Variants in MCTP2 observed in about 807,000 individuals in gnomAD.
The protein encoded by MCTP2 is multiple C2 and transmembrane domain containing 2, also known as multiple C2 and transmembrane domain-containing protein 2.
In MCTP2, 132 loss-of-function variants were observed where a neutral mutation model predicts 111.6. The observed-to-expected ratio is 1.18, with a 90% CI of 1.03 to 1.37. The LOEUF is 1.37. MCTP2 is among the 40% of genes most tolerant of loss of function. MCTP2 has a pLI of 0.00. For synonymous variants in MCTP2, 395 were observed against 387.7 expected, an observed-to-expected ratio of 1.02 and a Z score of -0.22; for missense variants, 1,183 against 1,067.9, an observed-to-expected ratio of 1.11 and a Z score of -1.50.
chr15:94,383,810 T>G (rs1467903095), intron 12 of MCTP2, among the ~76,000 whole-genome samples: 2 of 152,182 alleles, frequency 1.3e-5, no homozygotes, highest in African/African-American at 2.4e-5. Flanking sequence ...GGCGGTGTGT[T>G]TGTTCTAACC....
chr15:94,245,813 C>T (rs549528850), intron 1 of MCTP2, among the ~76,000 whole-genome samples: 1 of 151,088 alleles, frequency 6.6e-6, no homozygotes, highest in African/African-American at 2.4e-5. Flanking sequence ...CACATACCTA[C>T]ATTTCTGATT....
intron 19 of MCTP2, among the ~76,000 whole-genome samples, chr15:94,457,869 G>C (rs1038716949): frequency 6.6e-6 from 1 of 152,200 alleles, no homozygotes; most frequent in Admixed American, 6.5e-5. Context: ...CCACGGGGAA[G>C]TGAAGTGCTT....
intron 1 of MCTP2, among the ~76,000 whole-genome samples, chr15:94,235,591 T>G (rs2070483338): frequency 6.6e-6 from 1 of 152,224 alleles, no homozygotes; most frequent in African/African-American, 2.4e-5. Flanking sequence ...TGTATTACTA[T>G]CACTAACATT....
intron 21 of MCTP2, among the ~76,000 whole-genome samples, chr15:94,475,991 G>A (rs536237717): frequency 1.6e-4 from 25 of 152,300 alleles, no homozygotes; most frequent in African/African-American, 4.8e-4. Context: ...CACCGACGTT[G>A]TGATCCATAA....
At chr15:94,285,897 TG>T (rs1423448297) in intron 1 of MCTP2, among the ~76,000 whole-genome samples, 3 of 152,230 alleles carry the variant, frequency 2.0e-5, no homozygotes, top group African/African-American at 7.2e-5. Flanking sequence ...ACATGGATGG[TG>T]GGGCTGAAAA....
intron 12 of MCTP2, among the ~76,000 whole-genome samples, chr15:94,382,532 C>T (rs1167380296): frequency 1.3e-5 from 2 of 152,258 alleles, no homozygotes; most frequent in Non-Finnish European, 2.9e-5. Context: ...TACTATTCAT[C>T]GCCCATGCGT....
intron 19 of MCTP2, among the ~76,000 whole-genome samples, chr15:94,443,595 C>T (rs1331443722): frequency 1.3e-5 from 2 of 152,064 alleles, no homozygotes; most frequent in African/African-American, 2.4e-5. Context: ...GAAGCTTGTG[C>T]AGAGGAAAGG....
At chr15:94,281,453 G>A (rs1227113169) in intron 1 of MCTP2, among the ~76,000 whole-genome samples, 1 of 152,074 alleles carries the variant, frequency 6.6e-6, no homozygotes, top group Non-Finnish European at 1.5e-5. Context: ...TAGATGTTGT[G>A]GCAGTTGAGA....
chr15:94,355,806 G>C, intron 8 of MCTP2: 1 of 527,550 alleles, frequency 1.9e-6, no homozygotes, highest in Non-Finnish European at 2.4e-6. Context: ...TGCCCAGAAT[G>C]TCTTTCTTCC....
chr15:94,464,451 G>A (rs1251846588), intron 20 of MCTP2, among the ~76,000 whole-genome samples: 1 of 104,110 alleles, frequency 9.6e-6, no homozygotes, highest in Admixed American at 1.0e-4. Flanking sequence ...GCTTGATATT[G>A]TTATCTTCTT....
In MCTP2 at chr15:94,236,377, C is replaced by CTTTTTTTTTTTTTTTTTTT. The variant is rs71132992; in HGVS notation, c.-66+4723_-66+4741dup. On this transcript the variant is annotated intron_variant, in intron 1 of 22. Transcript: ENST00000357742. ...TATGATTCAATCCTTTCTTTTTTTT[C>CTTTTTTTTTTTTTTTTTTT]TTTTTTTTTTTTTTTTTTTTTTTTT... Among the ~76,000 whole-genome samples the CTTTTTTTTTTTTTTTTTTT allele has an allele frequency of 1.5e-3, 109 of 72,506 alleles. 11 individuals carry two copies. Among genetic ancestry groups the CTTTTTTTTTTTTTTTTTTT allele is most frequent in the African/African-American group, 3.5e-3 (66 of 19,022 alleles). The allele number at this position is 72,506 out of a possible 152,430, so 47.6% of individuals were successfully genotyped here. A position where few individuals can be genotyped will look rare whatever the true frequency, so the allele number is the denominator to read the frequency against.
At position 94,273,538 on chromosome 15, in the gene MCTP2, T is replaced by C. The variant is rs560639317; in HGVS notation, c.-65-24663T>C. On this transcript the variant is annotated intron_variant, in intron 1 of 22. Coordinates refer to ENST00000357742, the MANE Select transcript of MCTP2 (RefSeq NM_001385001.1). ...GGTGACCTGGGACCACAGCAAAAAC[T>C]GCAAACGTCACTTCAATGCCCCCTC... 6.1e-5 allele frequency: 12 copies of C among 196,950 alleles called. 1 individual carries two copies. Among genetic ancestry groups the C allele is most frequent in the Non-Finnish European group, 1.2e-4 (11 of 90,520 alleles). 12.2% of individuals were successfully genotyped at this position (196,950 alleles called of 1,614,324 possible).
chr15:94,319,619 G>A (rs1475255659), intron 4 of MCTP2, among the ~76,000 whole-genome samples: 3 of 152,098 alleles, frequency 2.0e-5, no homozygotes, highest in Admixed American at 6.5e-5. Flanking sequence ...GGTGGGTGTC[G>A]GCACATGAGA....
intron 1 of MCTP2, among the ~76,000 whole-genome samples, chr15:94,245,388 TTA>T (rs2071813720): frequency 2.0e-5 from 1 of 50,844 alleles, no homozygotes; most frequent in South Asian, 5.9e-4. Context: ...GTATATGTAT[TTA>T]TATACATGTG....
chr15:94,399,177 G>A (rs750874809), intron 15 of MCTP2, 115 bp downstream of exon 15: 1 of 631,752 alleles, frequency 1.6e-6, no homozygotes, highest in Non-Finnish European at 2.9e-6. Context: ...GCTACAGAGA[G>A]GAAAGAATAG....
At chr15:94,366,619 A>G (rs557142314) in intron 10 of MCTP2, among the ~76,000 whole-genome samples, 5 of 152,110 alleles carry the variant, frequency 3.3e-5, no homozygotes, top group Non-Finnish European at 7.4e-5. Context: ...ATCTATCCTT[A>G]TTGTTCTCTC....
At chr15:94,349,284 C>G (rs1260900089) in intron 8 of MCTP2, among the ~76,000 whole-genome samples, 1 of 152,138 alleles carries the variant, frequency 6.6e-6, no homozygotes, top group Admixed American at 6.5e-5. Flanking sequence ...ACCAGAGGGA[C>G]AGAGGGACTG....
chr15:94,345,268 C>A, intron 8 of MCTP2, 104 bp downstream of exon 8: 1 of 1,150,184 alleles, frequency 8.7e-7, no homozygotes, highest in Non-Finnish European at 1.3e-6. Flanking sequence ...TTACATCAAA[C>A]AGAATTCTTT....
intron 20 of MCTP2, among the ~76,000 whole-genome samples, chr15:94,470,093 G>T (rs531516975): frequency 2.6e-5 from 4 of 152,248 alleles, no homozygotes; most frequent in Admixed American, 1.3e-4. Context: ...TTCCAGGGAG[G>T]TAAAGTCACC....
Sources: allele counts gnomAD v4.1 joint callset (sites outside exome capture counted in the v4.1 genomes callset), GRCh38; gene constraint gnomAD v4.1.1; transcripts MANE v1.5; gene names NCBI Gene and HGNC (gene_info 2026-07-23, HGNC 2026-07-21).